UBAC2: variants seen among roughly 807,000 people sequenced by gnomAD.
UBAC2 encodes the protein ubiquitin-associated domain-containing protein 2.
In UBAC2, 26 loss-of-function variants were observed where a neutral mutation model predicts 44.0. The ratio of observed to expected loss-of-function variants is 0.59; its 90% CI spans 0.43 to 0.82. UBAC2 has a LOEUF of 0.82. Among genes scored for constraint, UBAC2 ranks in the 40% least tolerant of loss-of-function variants. The pLI is 0.00. For missense variants in UBAC2, 329 were observed against 419.4 expected (o/e 0.78, Z 1.88); for synonymous variants, 155 against 154.3 (o/e 1.00, Z -0.04).
At chr13:99,215,722 C>T (rs1406155803) in intron 1 of UBAC2, 2 of 1,494,270 alleles carry the variant, frequency 1.3e-6, no homozygotes, top group Admixed American at 2.3e-5. Flanking sequence ...TTTGTCTTGG[C>T]CTTTCCGGAG....
At chr13:99,238,874 G>A (rs754037204) in intron 2 of UBAC2, among the ~76,000 whole-genome samples, 1 of 152,264 alleles carries the variant, frequency 6.6e-6, no homozygotes, top group African/African-American at 2.4e-5. Flanking sequence ...GGCATACTTA[G>A]CTTTGCCAAA....
At chr13:99,271,509 T>C (rs985035518) in intron 4 of UBAC2, among the ~76,000 whole-genome samples, 1 of 152,194 alleles carries the variant, frequency 6.6e-6, no homozygotes, top group African/African-American at 2.4e-5. Context: ...GCCATTGTAC[T>C]AATTTTGGCC....
chr13:99,356,966 T>C (rs1052167809), intron 7 of UBAC2, among the ~76,000 whole-genome samples: 4 of 152,192 alleles, frequency 2.6e-5, no homozygotes, highest in Non-Finnish European at 5.9e-5. Context: ...CCACAAAGCT[T>C]TTGCTGAGGA....
chr13:99,345,200 T>G (rs1238553699), intron 7 of UBAC2, among the ~76,000 whole-genome samples: 4 of 152,016 alleles, frequency 2.6e-5, no homozygotes, highest in African/African-American at 9.7e-5. Context: ...AGATATGTAG[T>G]GAGAAATGGG....
intron 4 of UBAC2, among the ~76,000 whole-genome samples, chr13:99,285,436 A>G (rs1389484076): frequency 1.3e-5 from 2 of 149,810 alleles, no homozygotes; most frequent in East Asian, 3.9e-4. Flanking sequence ...TCTGTCACCC[A>G]GGCTGGAGTG....
chr13:99,238,574 C>A lies in UBAC2; in HGVS notation c.159+20C>A, dbSNP rs752633440. The stretch of plus-strand genomic sequence containing the variant: ...TTCCAGGTAAGCTCTGCCTCATTGG[C>A]CCCTGAGAGGAGAGCGGACAGTTTT... On this transcript the variant is annotated intron_variant, in intron 2 of 8. Transcript: ENST00000403766. 1.9e-6 allele frequency: 3 copies of A among 1,586,194 alleles called. No homozygotes were observed. Among genetic ancestry groups the A allele is most frequent in the Non-Finnish European group, 2.6e-6 (3 of 1,164,742 alleles).
At chr13:99,202,489 A>G (rs1268719221) in intron 1 of UBAC2, among the ~76,000 whole-genome samples, 1 of 152,214 alleles carries the variant, frequency 6.6e-6, no homozygotes, top group African/African-American at 2.4e-5. Context: ...ATTTTGATCT[A>G]TCCTTGCTGG....
intron 1 of UBAC2, among the ~76,000 whole-genome samples, chr13:99,209,789 C>T (rs1422668334): frequency 6.6e-6 from 1 of 152,112 alleles, no homozygotes; most frequent in Non-Finnish European, 1.5e-5. Flanking sequence ...GCCTGGCCAA[C>T]ATGGTGAAAC....
At chr13:99,203,023 T>TTTAA (rs373276231) in intron 1 of UBAC2, among the ~76,000 whole-genome samples, 11 of 146,522 alleles carry the variant, frequency 7.5e-5, no homozygotes, top group South Asian at 4.5e-4. Flanking sequence ...CTTTGTTTTA[T>TTTAA]TTTATTTATT....
At chr13:99,329,581 C>A (rs1381974861) in intron 6 of UBAC2, among the ~76,000 whole-genome samples, 3 of 152,246 alleles carry the variant, frequency 2.0e-5, no homozygotes, top group Non-Finnish European at 4.4e-5. Flanking sequence ...TGTCTTTACT[C>A]TCTCCTGGAT....
intron 4 of UBAC2, among the ~76,000 whole-genome samples, chr13:99,244,919 G>A (rs1223390452): frequency 1.3e-5 from 2 of 151,114 alleles, no homozygotes; most frequent in Non-Finnish European, 2.9e-5. Context: ...TACAACCTCC[G>A]CCTCCCGGGT....
intron 4 of UBAC2, among the ~76,000 whole-genome samples, chr13:99,248,366 G>A (rs891507456): frequency 2.0e-5 from 3 of 151,302 alleles, no homozygotes; most frequent in African/African-American, 7.3e-5. Context: ...TGTGACTATA[G>A]ATGTGCCACC....
intron 4 of UBAC2, among the ~76,000 whole-genome samples, chr13:99,257,776 A>G (rs1346591238): frequency 6.6e-6 from 1 of 152,214 alleles, no homozygotes; most frequent in Non-Finnish European, 1.5e-5. Context: ...CTAAATATAC[A>G]TATGATTTAC....
chr13:99,285,459 T>C (rs953887213), intron 4 of UBAC2, among the ~76,000 whole-genome samples: 2 of 151,838 alleles, frequency 1.3e-5, no homozygotes, highest in Non-Finnish European at 2.9e-5. Flanking sequence ...GTGGTGCGAT[T>C]GTAGCTCACT....
chr13:99,351,754 TG>T (rs1177684462), intron 7 of UBAC2: 1 of 456,744 alleles, frequency 2.2e-6, no homozygotes, highest in African/African-American at 2.0e-5. Context: ...TCCTGCTTGT[TG>T]GTACAAGCCA....
chr13:99,359,960 G>A (rs2045242768), intron 7 of UBAC2, among the ~76,000 whole-genome samples: 1 of 152,238 alleles, frequency 6.6e-6, no homozygotes, highest in Non-Finnish European at 1.5e-5. Context: ...AAGGCTTTCT[G>A]AGCACCAAAG....
chr13:99,287,650 T>TC (rs1462942401), intron 4 of UBAC2, among the ~76,000 whole-genome samples: 1 of 107,316 alleles, frequency 9.3e-6, no homozygotes, highest in Non-Finnish European at 1.9e-5. Context: ...TTTCTTTTTT[T>TC]TTTTTTTTTT....
At chr13:99,277,786 A>AG (rs1451840455) in intron 4 of UBAC2, among the ~76,000 whole-genome samples, 1 of 151,250 alleles carries the variant, frequency 6.6e-6, no homozygotes, top group Non-Finnish European at 1.5e-5. Flanking sequence ...TGAGTATTTC[A>AG]GGCACTCTTG....
intron 6 of UBAC2, among the ~76,000 whole-genome samples, chr13:99,333,098 G>GT (rs934944856): frequency 6.6e-6 from 1 of 151,884 alleles, no homozygotes; most frequent in Non-Finnish European, 1.5e-5. Context: ...CCCGTCTCTG[G>GT]GGGGGGAAGA....
Sources: allele counts gnomAD v4.1 joint callset (sites outside exome capture counted in the v4.1 genomes callset), GRCh38; gene constraint gnomAD v4.1.1; transcripts MANE v1.5; gene names NCBI Gene and HGNC (gene_info 2026-07-23, HGNC 2026-07-21).